The following CRYBG1 variants were observed in gnomAD, a reference collection of about 807,000 sequenced individuals.
The protein encoded by CRYBG1 is crystallin beta-gamma domain containing 1.
In CRYBG1, 139 loss-of-function variants were observed where a neutral mutation model predicts 189.2. The ratio of observed to expected loss-of-function variants is 0.73; its 90% CI spans 0.64 to 0.85. The LOEUF (loss-of-function observed/expected upper bound fraction) is 0.85, where lower values mean the gene tolerates loss of function less well. CRYBG1 is among the 40% of genes least tolerant of loss of function. The pLI, the probability that CRYBG1 is intolerant of heterozygous loss-of-function variation, is 0.00. For missense variants in CRYBG1, 2,611 were observed against 2,675.8 expected (o/e 0.98, Z 0.53); for synonymous variants, 1,023 against 1,017.1 (o/e 1.01, Z -0.11).
At chr6:106,423,434 T>G (rs1411326738) in intron 1 of CRYBG1, among the ~76,000 whole-genome samples, 2 of 151,954 alleles carry the variant, frequency 1.3e-5, no homozygotes, top group African/African-American at 4.8e-5. Flanking sequence ...AATTAAAAAG[T>G]TTGATCTGTA....
chr6:106,513,639 A>G (rs1300854629), intron 3 of CRYBG1, among the ~76,000 whole-genome samples: 1 of 152,216 alleles, frequency 6.6e-6, no homozygotes, highest in Non-Finnish European at 1.5e-5. Flanking sequence ...CCCAGGCTGA[A>G]AAGTAGTTTT....
At chr6:106,538,248 A>C (rs1200553931) in intron 8 of CRYBG1, among the ~76,000 whole-genome samples, 2 of 152,194 alleles carry the variant, frequency 1.3e-5, no homozygotes, top group African/African-American at 4.8e-5. Flanking sequence ...CCAGGAACGA[A>C]GATGTTTACA....
chr6:106,518,972 T>TGCGC (rs1203558454), intron 3 of CRYBG1, among the ~76,000 whole-genome samples, 159 bp from the exon 4 acceptor site: 621 of 32,280 alleles, frequency 0.019, 2 homozygotes, highest in Middle Eastern at 0.036. Context: ...AACACATGTG[T>TGCGC]GCGCACACAC....
In CRYBG1 at chr6:106,512,832, C is replaced by G. The variant is rs946413097; in HGVS notation, c.1715C>G (p.Pro572Arg). The G allele has an allele frequency of 3.2e-6, 5 of 1,578,096 alleles. No homozygotes were observed. Among genetic ancestry groups the G allele is most frequent in the South Asian group, 2.3e-5 (2 of 87,084 alleles). ...EAARAIPREL[P>R]VKSSSLLPEI... is the part of the protein sequence containing the mutation. ...GCGCGGGCCATCCCCCGCGAGCTCC[C>G]GGTCAAGAGCAGCTCGCTGCTGCCG... Residue 572 changes from proline to arginine, a missense_variant, in exon 3 of 22, where the codon CCG becomes CGG. Transcript: ENST00000633556.
At chr6:106,540,781 G>C (rs1034251452) in intron 9 of CRYBG1, among the ~76,000 whole-genome samples, 1 of 150,220 alleles carries the variant, frequency 6.7e-6, no homozygotes, top group Admixed American at 6.6e-5. Flanking sequence ...GAGCATCCTT[G>C]GTGGTACTTT....
chr6:106,535,320 T>C (rs1773978006), intron 8 of CRYBG1, among the ~76,000 whole-genome samples: 2 of 152,208 alleles, frequency 1.3e-5, no homozygotes, highest in Non-Finnish European at 2.9e-5. Flanking sequence ...AGCCCAATTT[T>C]TTATTATAAA....
chr6:106,375,411 A>AAGTG (rs1770134581), intron 1 of CRYBG1, among the ~76,000 whole-genome samples: 1 of 137,690 alleles, frequency 7.3e-6, no homozygotes, highest in African/African-American at 3.0e-5. Flanking sequence ...GTAAGTAAGT[A>AAGTG]AGTAAGTAAG....
At chr6:106,500,776 T>C (rs1340625) in intron 2 of CRYBG1, among the ~76,000 whole-genome samples, 22,849 of 152,228 alleles carry the variant, frequency 0.15, 1,756 homozygotes, top group East Asian at 0.17. Flanking sequence ...AGAGATTGTA[T>C]TGGGCATTTT....
intron 1 of CRYBG1, among the ~76,000 whole-genome samples, chr6:106,374,566 A>G (rs778737978): frequency 1.3e-5 from 2 of 152,166 alleles, no homozygotes; most frequent in Non-Finnish European, 2.9e-5. Flanking sequence ...CTGAAAACAA[A>G]CAAATATGCT....
intron 8 of CRYBG1, among the ~76,000 whole-genome samples, chr6:106,532,308 T>A (rs1773895161): frequency 6.6e-6 from 1 of 152,200 alleles, no homozygotes; most frequent in Admixed American, 6.5e-5. Context: ...ATTCATCTGT[T>A]GATGGACACT....
chr6:106,527,367 T>A lies in CRYBG1; in HGVS notation c.4475T>A (p.Leu1492Ter). ...GHSIPLEEGE[L>*]ELSGLWGIED... ...TCCATCCCCTTAGAAGAAGGAGAAT[T>A]GGAACTCTCTGGTCTCTGGGGTATA... Residue 1492 changes from leucine to a stop codon, truncating the protein, a stop_gained, in exon 7 of 22, where the codon TTG (leucine) becomes TAG (stop). Coordinates refer to ENST00000633556, the MANE Select transcript of CRYBG1 (RefSeq NM_001371242.2). LOFTEE classifies it high-confidence loss of function. The A allele has an allele frequency of 6.2e-7, 1 of 1,613,708 alleles. No individual in the cohort carries two copies. The highest frequency in any genetic ancestry group is 8.5e-7 in the Non-Finnish European group (1 of 1,179,740).
At position 106,519,599 on chromosome 6, in the gene CRYBG1, A is replaced by G. The variant is rs1488655527; in HGVS notation, c.2391A>G (p.Ser797=). The G allele has an allele frequency of 6.2e-7, 1 of 1,614,246 alleles. No homozygotes were observed. The highest frequency in any genetic ancestry group is 1.7e-5 in the Admixed American group (1 of 60,030). The change falls in exon 4 of 22, where the codon TCA becomes TCG. Residue 797 remains serine (S), a synonymous_variant. Coordinates refer to ENST00000633556, the MANE Select transcript of CRYBG1 (RefSeq NM_001371242.2). The part of the protein sequence containing the change: ...ADVQTDAGCL[S]EPVASALIPV... ...TACAAACAGATGCTGGCTGCCTTTC[A>G]GAACCAGTGGCTTCTGCTCTGATTC... is the stretch of plus-strand genomic sequence containing the variant.
chr6:106,519,071 T>C lies in CRYBG1; in HGVS notation c.1923-60T>C, dbSNP rs1203677676. 14 of 1,515,042 alleles carry C rather than the reference T, an allele frequency of 9.2e-6. No individual in the cohort carries two copies. The East Asian group carries it at 3.2e-4, about 34-fold the overall frequency. 93.8% of individuals were successfully genotyped at this position (1,515,042 alleles called of 1,614,324 possible). A position where few individuals can be genotyped will look rare whatever the true frequency, so the allele number is the denominator to read the frequency against. Reference sequence around the variant, plus strand: ...TTTCATAGTTTTATAATTAATTGGTTTGTGTGTTCACTTTTTAAAACTAGG... The same window carrying C: ...TTTCATAGTTTTATAATTAATTGGTCTGTGTGTTCACTTTTTAAAACTAGG... On this transcript the variant is annotated intron_variant, in intron 3 of 21. Coordinates refer to ENST00000633556, the MANE Select transcript of CRYBG1 (RefSeq NM_001371242.2).
chr6:106,416,718 C>A (rs1771026149), intron 1 of CRYBG1, among the ~76,000 whole-genome samples: 1 of 152,180 alleles, frequency 6.6e-6, no homozygotes, highest in African/African-American at 2.4e-5. Context: ...GTCCTTCAGT[C>A]AAGAATTTGC....
chr6:106,512,123 C>CG lies in CRYBG1; in HGVS notation c.1006_1007insG (p.Pro336ArgfsTer6), dbSNP rs751402237. On this transcript the variant is annotated frameshift_variant, in exon 3 of 22. Coordinates refer to ENST00000633556, the MANE Select transcript of CRYBG1 (RefSeq NM_001371242.2). LOFTEE classifies it high-confidence loss of function. ...GCCCCGCAACGCCCGCAGCCAGCCC[C>CG]CCAAGGGCGCGTCTGATTTGCCAGG... 1 of 1,534,368 alleles carries CG rather than the reference C, an allele frequency of 6.5e-7. No homozygotes were observed. Among genetic ancestry groups the CG allele is most frequent in the Non-Finnish European group, 8.7e-7 (1 of 1,145,954 alleles).
Position 106,544,872 on chromosome 6 carries a change from G to A in CRYBG1, c.5251G>A (p.Ala1751Thr), listed in dbSNP as rs371775265. 8.7e-6 allele frequency: 14 copies of A among 1,613,816 alleles called. No homozygotes were observed. The highest frequency in any genetic ancestry group is 3.3e-5 in the South Asian group (3 of 91,028). Residue 1751 changes from alanine (A) to threonine (T), a missense_variant, in exon 13 of 22, where the codon GCT becomes ACT. Coordinates refer to ENST00000633556, the MANE Select transcript of CRYBG1 (RefSeq NM_001371242.2). ...GSSIDVLGIV[A>T]NLKETGYGVK... ...CAGTATTGATGTATTGGGAATTGTT[G>A]CTAATTTAAAGGAGACTGGATATGG... is the stretch of plus-strand genomic sequence containing the variant.
chr6:106,438,026 G>A (rs1201975181), intron 1 of CRYBG1, among the ~76,000 whole-genome samples: 1 of 152,160 alleles, frequency 6.6e-6, no homozygotes, highest in African/African-American at 2.4e-5. Flanking sequence ...GACTTTTGGT[G>A]TCTTTGGAGT....
chr6:106,495,662 T>G (rs1429628136), intron 2 of CRYBG1, among the ~76,000 whole-genome samples: 1 of 152,052 alleles, frequency 6.6e-6, no homozygotes, highest in African/African-American at 2.4e-5. Context: ...TGTCTGTGCT[T>G]TTCTAGGTTC....
At chr6:106,471,063 T>G (rs573543982) in intron 2 of CRYBG1, among the ~76,000 whole-genome samples, 65 of 152,312 alleles carry the variant, frequency 4.3e-4, no homozygotes, top group African/African-American at 1.5e-3. Flanking sequence ...CCTTGTAATT[T>G]TCTACATGAA....
Sources: allele counts gnomAD v4.1 joint callset (sites outside exome capture counted in the v4.1 genomes callset), GRCh38; gene constraint gnomAD v4.1.1; transcripts MANE v1.5; gene names NCBI Gene and HGNC (gene_info 2026-07-23, HGNC 2026-07-21).